Variants in GNG5 observed in about 807,000 individuals in gnomAD.
The protein encoded by GNG5 is guanine nucleotide-binding protein G(I)/G(S)/G(O) subunit gamma-5.
In GNG5, 2 loss-of-function variants were observed where a neutral mutation model predicts 6.2. The observed-to-expected ratio is 0.32, with a 90% CI of 0.13 to 1.01. The LOEUF (loss-of-function observed/expected upper bound fraction) is 1.01. GNG5 is among the 50% of genes least tolerant of loss of function. The pLI is 0.48. For missense variants in GNG5, 57 were observed against 80.2 expected, an observed-to-expected ratio of 0.71 and a Z score of 1.10; for synonymous variants, 24 against 33.0, an observed-to-expected ratio of 0.73 and a Z score of 0.93.
In GNG5 at chr1:84,506,068, G is replaced by T; in HGVS notation, c.24C>A (p.Ala8=). Residue 8 remains alanine (A), a synonymous_variant, in exon 2 of 4, where the codon GCC becomes GCA. Transcript: ENST00000370645. The stretch of plus-strand genomic sequence containing the variant: ...GCTGTTGAACCACTTTCTTCATAGC[G>T]GCGACGCTGGAGGAGCCAGACATGG... MSGSSSV[A]AMKKVVQQLR... 6.3e-7 allele frequency: 1 copy of T among 1,577,064 alleles called. No homozygotes were observed.
chr1:84,499,610 G>A (rs1337328936), intron 3 of GNG5, among the ~76,000 whole-genome samples: 1 of 152,130 alleles, frequency 6.6e-6, no homozygotes, highest in Admixed American at 6.5e-5. Flanking sequence ...TGTTTACAAA[G>A]AGTATTTAAT....
Position 84,506,141 on chromosome 1 carries a change from T to A in GNG5, c.-50A>T, listed in dbSNP as rs1394648960. 4.7e-6 allele frequency: 7 copies of A among 1,505,212 alleles called. No individual in the cohort carries two copies. In the African/African-American group the frequency reaches 1.0e-4, roughly 22 times the overall value. 93.2% of individuals were successfully genotyped at this position (1,505,212 alleles called of 1,614,324 possible). ...TCGTGGGTCGGTGGGTCGTGGGCCG[T>A]GGGTCGGCGGGGCCAGACAACTCAG... On this transcript the variant is annotated 5_prime_UTR_variant, in exon 2 of 4. Coordinates refer to ENST00000370645, the MANE Select transcript of GNG5 (RefSeq NM_005274.3).
intron 2 of GNG5, chr1:84,503,873 G>A (rs1399242349): frequency 6.6e-6 from 1 of 152,188 alleles, no homozygotes; most frequent in African/African-American, 2.4e-5. Flanking sequence ...AAGGGAAGGT[G>A]TCTGAGGTGA....
At chr1:84,499,656 C>T (rs992087476) in intron 3 of GNG5, among the ~76,000 whole-genome samples, 12 of 152,154 alleles carry the variant, frequency 7.9e-5, no homozygotes, top group African/African-American at 2.4e-4. Flanking sequence ...GAATGAAAAA[C>T]GGCGAATACT....
At chr1:84,504,073 C>A (rs1682109096) in intron 2 of GNG5, among the ~76,000 whole-genome samples, 1 of 152,174 alleles carries the variant, frequency 6.6e-6, no homozygotes, top group African/African-American at 2.4e-5. Context: ...AGTGCCCCTT[C>A]TCACTCTCAA....
At chr1:84,500,441 G>A (rs1320731614) in intron 3 of GNG5, among the ~76,000 whole-genome samples, 1 of 152,100 alleles carries the variant, frequency 6.6e-6, no homozygotes, top group South Asian at 2.1e-4. Flanking sequence ...AGATTCCTAT[G>A]AAGTAAAACT....
rs1358493372 is a variant in GNG5 at position 84,501,901 on chromosome 1, C to T, written c.151G>A (p.Gly51Arg). The T allele has an allele frequency of 6.9e-6, 11 of 1,604,396 alleles. No individual in the cohort carries two copies. Among genetic ancestry groups the T allele is most frequent in the Non-Finnish European group, 9.4e-6 (11 of 1,171,202 alleles). ...QNAQHDPLLTGVSSSTNPFRP... is the reference protein window; with the variant it reads ...QNAQHDPLLTRVSSSTNPFRP... ...AAGGGATTTGTACTTGAAGATACTC[C>T]AGTCAGCAGAGGGTCATGTTGAGCA... The change falls in exon 3 of 4, where the codon GGA (glycine) becomes AGA (arginine). Residue 51 changes from glycine (G) to arginine (R), a missense_variant. Physicochemically the swap from Gly to Arg is moderately radical, Grantham distance 125. Coordinates refer to ENST00000370645, the MANE Select transcript of GNG5 (RefSeq NM_005274.3).
rs185904349 is a variant in GNG5 at position 84,501,092 on chromosome 1, C to T, written c.*19+734G>A. Reference sequence around the variant, plus strand: ...ACATTTTGTACACATGACATTTGATCTGGAAGGCACAAATTAATGTACTGA... The same window carrying T: ...ACATTTTGTACACATGACATTTGATTTGGAAGGCACAAATTAATGTACTGA... On this transcript the variant is annotated intron_variant, in intron 3 of 3. Transcript: ENST00000370645. Among the ~76,000 whole-genome samples, 14 of 152,270 alleles carry T rather than the reference C, an allele frequency of 9.2e-5. No individual in the cohort carries two copies. The East Asian group carries it at 1.9e-3, about 21-fold the overall frequency.
intron 2 of GNG5, 23 bp from the exon 3 acceptor site, chr1:84,501,993 G>A: frequency 6.3e-7 from 1 of 1,596,092 alleles, no homozygotes; most frequent in Non-Finnish European, 8.6e-7. Flanking sequence ...AAGAGGGGGG[G>A]AAGTGCCAGA....
intron 2 of GNG5, chr1:84,503,943 G>A (rs1682106206): frequency 6.6e-6 from 1 of 152,224 alleles, no homozygotes; most frequent in African/African-American, 2.4e-5. Flanking sequence ...GTGAGAAACA[G>A]CATTCCAAAC....
chr1:84,498,583 G>C (rs1195164705), intron 3 of GNG5, 35 bp from the exon 4 acceptor site: 2 of 151,506 alleles, frequency 1.3e-5, no homozygotes, highest in Admixed American at 6.6e-5. Flanking sequence ...GGTGAGTTAG[G>C]GTAAAGTATC....
chr1:84,504,782 T>C (rs1204660657), intron 2 of GNG5, among the ~76,000 whole-genome samples: 1 of 152,082 alleles, frequency 6.6e-6, no homozygotes, highest in East Asian at 1.9e-4. Flanking sequence ...CGAATGAGAA[T>C]TCCCTTCCCT....
chr1:84,506,178 G>A lies in GNG5; in HGVS notation c.-87C>T, dbSNP rs1682218884. On this transcript the variant is annotated 5_prime_UTR_variant, in exon 2 of 4. Transcript: ENST00000370645. ...GCCAGACAACTCAGCGGCGCGCGGC[G>A]GGGGCGGGGCTCCGAACTTTGTCTC... 4.6e-6 allele frequency: 5 copies of A among 1,088,158 alleles called. No individual in the cohort carries two copies. The African/African-American group carries it at 6.6e-5, about 14-fold the overall frequency. The allele number at this position is 1,088,158 out of a possible 1,614,324, so 67.4% of individuals were successfully genotyped here.
At chr1:84,503,907 CAA>C (rs1682105502) in intron 2 of GNG5, 1 of 152,210 alleles carries the variant, frequency 6.6e-6, no homozygotes, top group South Asian at 2.1e-4. Context: ...ATCTCAATGA[CAA>C]GAGATCCAGC....
chr1:84,505,908 A>G (rs1344647698), intron 2 of GNG5, 103 bp downstream of exon 2: 3 of 800,778 alleles, frequency 3.7e-6, no homozygotes, highest in Non-Finnish European at 5.3e-6. Flanking sequence ...CTCCAGGGGA[A>G]GCGAGGGCCG....
Position 84,501,986 on chromosome 1 carries a change from A to G in GNG5, c.82-16T>C, listed in dbSNP as rs367991308. ...CCTGGGAAACCTATACATAACAAAG[A>G]GGGGGGGAAGTGCCAGATGGTGAGA... On this transcript the variant is annotated splice_polypyrimidine_tract_variant and intron_variant, in intron 2 of 3. Coordinates refer to ENST00000370645, the MANE Select transcript of GNG5 (RefSeq NM_005274.3). The G allele has an allele frequency of 6.6e-5, 106 of 1,602,294 alleles. No individual in the cohort carries two copies. The African/African-American group carries it at 8.4e-4, about 13-fold the overall frequency.
chr1:84,505,960 C>G, intron 2 of GNG5, 51 bp downstream of exon 2: 1 of 1,327,238 alleles, frequency 7.5e-7, no homozygotes, highest in South Asian at 1.6e-5. Flanking sequence ...CCGCCGGATC[C>G]CACCCGCCGC....
chr1:84,503,933 GT>G (rs1682106042), intron 2 of GNG5: 1 of 152,238 alleles, frequency 6.6e-6, no homozygotes, highest in Non-Finnish European at 1.5e-5. Context: ...ATAACCATCA[GT>G]GAGAAACAGC....
In GNG5 at chr1:84,506,294, G is replaced by A. The variant is rs1682228857; in HGVS notation, c.-203C>T. ...GTTCCAGCTCCACACCCGGCCCCGA[G>A]CGCGAGCCTGGAGGAGGGGGAGGAG... On this transcript the variant is annotated 5_prime_UTR_variant, in exon 2 of 4. Coordinates refer to ENST00000370645, the MANE Select transcript of GNG5 (RefSeq NM_005274.3). 2.4e-6 allele frequency: 1 copy of A among 420,286 alleles called. No individual in the cohort carries two copies. The highest frequency in any genetic ancestry group is 4.2e-6 in the Non-Finnish European group (1 of 236,572). 26.0% of individuals were successfully genotyped at this position (420,286 alleles called of 1,614,324 possible).
Sources: gnomAD v4.1 joint callset for allele counts (sites outside exome capture counted in the v4.1 genomes callset) on GRCh38, gnomAD v4.1.1 for gene constraint, MANE v1.5 for transcripts, NCBI Gene and HGNC (gene_info 2026-07-23, HGNC 2026-07-21) for gene names.